PHF21B: variants seen among roughly 807,000 people sequenced by gnomAD.
PHF21B encodes the protein PHD finger protein 4.
PHF21B carries 22 observed loss-of-function variants against 62.2 expected under a neutral mutation model. The ratio of observed to expected loss-of-function variants is 0.35; its 90% CI spans 0.25 to 0.51. The LOEUF (loss-of-function observed/expected upper bound fraction) is 0.51, where lower values mean the gene tolerates loss of function less well. PHF21B is among the 20% of genes least tolerant of loss of function. The pLI is 0.97. For missense variants in PHF21B, 701 were observed against 707.9 expected (o/e 0.99, Z 0.11); for synonymous variants, 341 against 314.7 (o/e 1.08, Z -0.88).
intron 2 of PHF21B, among the ~76,000 whole-genome samples, chr22:44,976,335 C>G (rs952787698): frequency 2.0e-5 from 3 of 152,162 alleles, no homozygotes; most frequent in Non-Finnish European, 4.4e-5. Context: ...TCAAAATCCT[C>G]TCTTCACACT....
intron 2 of PHF21B, among the ~76,000 whole-genome samples, chr22:44,930,744 G>T (rs932389992): frequency 6.6e-6 from 1 of 152,090 alleles, no homozygotes; most frequent in African/African-American, 2.4e-5. Context: ...GCAGGCACCA[G>T]AAGGGCTCTC....
At chr22:44,907,993 G>C (rs932325012) in intron 5 of PHF21B, among the ~76,000 whole-genome samples, 10 of 152,274 alleles carry the variant, frequency 6.6e-5, no homozygotes, top group Non-Finnish European at 1.3e-4. Context: ...CTGGTAATGC[G>C]GCCCCTTTCA....
rs534827778 is a variant in PHF21B, at chr22:44,958,751, G to A, written c.121-38261C>T. Reference sequence around the variant, plus strand: ...CTCTTGAGTAGCTGGAATTACAGGCGCCTGCCACCACACCTGGCTAATTTT... The same window carrying A: ...CTCTTGAGTAGCTGGAATTACAGGCACCTGCCACCACACCTGGCTAATTTT... On this transcript the variant is annotated intron_variant, in intron 2 of 12. Transcript: ENST00000313237. Among the ~76,000 whole-genome samples, 204 of 151,882 alleles carry A rather than the reference G, an allele frequency of 1.3e-3. 1 individual carries two copies. The highest frequency in any genetic ancestry group is 4.5e-3 in the African/African-American group (186 of 41,440).
intron 1 of PHF21B, chr22:45,008,865 G>A (rs2073375048): frequency 1.7e-6 from 2 of 1,173,276 alleles, no homozygotes; most frequent in Non-Finnish European, 1.1e-6. Flanking sequence ...GGCGCGCCCC[G>A]AGCCGTGCAA....
chr22:45,008,926 C>A, intron 1 of PHF21B: 2 of 1,119,488 alleles, frequency 1.8e-6, no homozygotes, highest in Non-Finnish European at 1.1e-6. Flanking sequence ...GAGTGTGTGC[C>A]GGGGGAGGGG....
At chr22:44,907,685 C>G (rs1161599115) in intron 5 of PHF21B, among the ~76,000 whole-genome samples, 2 of 152,226 alleles carry the variant, frequency 1.3e-5, no homozygotes, top group Admixed American at 1.3e-4. Context: ...TTACTTACAT[C>G]TATCCTGATT....
intron 2 of PHF21B, among the ~76,000 whole-genome samples, chr22:44,940,392 T>C (rs1405312378): frequency 6.6e-6 from 1 of 152,234 alleles, no homozygotes; most frequent in East Asian, 1.9e-4. Context: ...GCACCCCTTG[T>C]CCATGCAGTC....
intron 2 of PHF21B, among the ~76,000 whole-genome samples, chr22:45,004,332 C>T (rs1601702990): frequency 6.6e-6 from 1 of 150,444 alleles, no homozygotes; most frequent in Admixed American, 6.6e-5. Flanking sequence ...AGTGGGTGGG[C>T]GCAGGGCGAT....
intron 5 of PHF21B, among the ~76,000 whole-genome samples, chr22:44,903,386 A>G (rs150901155): frequency 0.035 from 5,335 of 151,774 alleles, 300 homozygotes; most frequent in African/African-American, 0.12. Context: ...CTTGCTGCCC[A>G]GCCCTGACCT....
chr22:44,892,294 G>A (rs148489813), intron 7 of PHF21B, among the ~76,000 whole-genome samples: 13 of 152,346 alleles, frequency 8.5e-5, no homozygotes, highest in African/African-American at 2.6e-4. Context: ...AACGGCCCAC[G>A]TGGAGCACGT....
Position 45,009,435 on chromosome 22 carries a change from C to A in PHF21B, c.54+61G>T. 6.9e-7 allele frequency: 1 copy of A among 1,450,734 alleles called. No individual in the cohort carries two copies. Among genetic ancestry groups the A allele is most frequent in the Non-Finnish European group, 9.2e-7 (1 of 1,088,932 alleles). 89.9% of individuals were successfully genotyped at this position (1,450,734 alleles called of 1,614,324 possible). On this transcript the variant is annotated intron_variant, in intron 1 of 12. Transcript: ENST00000313237. This position sits in a 1 kb window ranked among gnomAD's most constrained non-coding sequence, Gnocchi z 5.9. ...GAAGAGAGGATGCTGGGCTCGGGTC[C>A]CCCGACCCCCTCACCCCGCAACACA...
intron 2 of PHF21B, among the ~76,000 whole-genome samples, chr22:44,980,676 C>T (rs1409505161): frequency 6.6e-6 from 1 of 152,196 alleles, no homozygotes; most frequent in Non-Finnish European, 1.5e-5. Flanking sequence ...CCCCCAAGAC[C>T]GCAAAGTCAC....
intron 2 of PHF21B, among the ~76,000 whole-genome samples, chr22:44,988,525 C>T (rs187049967): frequency 1.1e-4 from 16 of 152,168 alleles, no homozygotes; most frequent in African/African-American, 3.9e-4. Context: ...TTCATCTTAG[C>T]TGCATGTGAA....
At chr22:44,922,943 T>G (rs1601602730) in intron 2 of PHF21B, among the ~76,000 whole-genome samples, 1 of 151,960 alleles carries the variant, frequency 6.6e-6, no homozygotes, top group Non-Finnish European at 1.5e-5. Context: ...CTCAGTCAGC[T>G]TTTTTTTAAA....
chr22:44,996,337 C>T (rs767326142), intron 2 of PHF21B, among the ~76,000 whole-genome samples: 4 of 152,164 alleles, frequency 2.6e-5, no homozygotes, highest in South Asian at 2.1e-4. Flanking sequence ...CAGCCTTCCC[C>T]GTACAACTGC....
chr22:44,942,051 C>G (rs757290727), intron 2 of PHF21B, among the ~76,000 whole-genome samples: 1 of 152,150 alleles, frequency 6.6e-6, no homozygotes, highest in Non-Finnish European at 1.5e-5. Flanking sequence ...GGAATGCGGC[C>G]CTGGGGACTC....
intron 2 of PHF21B, among the ~76,000 whole-genome samples, chr22:44,999,482 CAG>C (rs1190701279): frequency 6.6e-6 from 1 of 152,120 alleles, no homozygotes; most frequent in African/African-American, 2.4e-5. Flanking sequence ...CCGGGAGATG[CAG>C]AGACCCAGAC....
rs1354419304 is a variant in PHF21B, at chr22:44,883,323, G to C, written c.1378-19C>G. 1 of 1,610,440 alleles carries C rather than the reference G, an allele frequency of 6.2e-7. No individual in the cohort carries two copies. The highest frequency in any genetic ancestry group is 2.2e-5 in the East Asian group (1 of 44,856). On this transcript the variant is annotated intron_variant, in intron 12 of 12. Coordinates refer to ENST00000313237, the MANE Select transcript of PHF21B (RefSeq NM_138415.5). ...GGCATTTCTGTTGGGGAGAAGGTCA[G>C]GGGAAAGGGTCTCAGTATTCGGCTC...
At chr22:44,938,834 G>A (rs1185372046) in intron 2 of PHF21B, among the ~76,000 whole-genome samples, 5 of 152,192 alleles carry the variant, frequency 3.3e-5, no homozygotes, top group East Asian at 1.9e-4. Context: ...ATCTGGATGC[G>A]CCATTATGGA....
Sources: allele counts gnomAD v4.1 joint callset (sites outside exome capture counted in the v4.1 genomes callset), GRCh38; gene constraint gnomAD v4.1.1; non-coding constraint Gnocchi (gnomAD v3.1); transcripts MANE v1.5; gene names NCBI Gene and HGNC (gene_info 2026-07-23, HGNC 2026-07-21).